Variants in PLD5 observed in about 807,000 individuals in gnomAD.
The protein encoded by PLD5 is inactive phospholipase D5.
Under a neutral mutation model 61.1 loss-of-function variants are expected in PLD5, and 36 were observed. The observed-to-expected ratio is 0.59, with a 90% CI of 0.45 to 0.78. The LOEUF (loss-of-function observed/expected upper bound fraction) is 0.78. Ranked by LOEUF, PLD5 falls within the 30% of genes least tolerant of loss-of-function variation. PLD5 has a pLI of 0.00. For missense variants in PLD5, 515 were observed against 644.4 expected, an observed-to-expected ratio of 0.80 and a Z score of 2.17; for synonymous variants, 243 against 242.8, an observed-to-expected ratio of 1.00 and a Z score of -0.01.
intron 7 of PLD5, among the ~76,000 whole-genome samples, chr1:242,108,200 C>G (rs1217029652): frequency 6.6e-6 from 1 of 152,106 alleles, no homozygotes; most frequent in Non-Finnish European, 1.5e-5. Context: ...CAGTTAGGAA[C>G]CCTGAGCACC....
intron 2 of PLD5, among the ~76,000 whole-genome samples, chr1:242,320,114 C>CA (rs1473317115): frequency 3.3e-5 from 5 of 152,226 alleles, no homozygotes; most frequent in South Asian, 2.1e-4. Context: ...TTGTGACTTG[C>CA]CACGGTCATC....
intron 9 of PLD5, among the ~76,000 whole-genome samples, chr1:242,095,829 G>A (rs1290904668): frequency 6.6e-6 from 1 of 152,080 alleles, no homozygotes; most frequent in Admixed American, 6.6e-5. Context: ...AATGATTTTG[G>A]GGTTGTTTTT....
intron 5 of PLD5, among the ~76,000 whole-genome samples, chr1:242,163,300 C>T (rs994663098): frequency 6.6e-5 from 10 of 152,022 alleles, no homozygotes; most frequent in South Asian, 4.2e-4. Context: ...CCCGCCACCA[C>T]GCCCGGCTAA....
intron 2 of PLD5, among the ~76,000 whole-genome samples, chr1:242,318,409 C>T (rs1178183554): frequency 6.6e-6 from 1 of 152,154 alleles, no homozygotes; most frequent in East Asian, 1.9e-4. Flanking sequence ...TGGGCACTAC[C>T]AGAACCTGGA....
At chr1:242,442,048 C>T (rs988700707) in intron 1 of PLD5, among the ~76,000 whole-genome samples, 6 of 152,160 alleles carry the variant, frequency 3.9e-5, no homozygotes, top group Admixed American at 6.5e-5. Flanking sequence ...TGCCACCTCT[C>T]GCTGACAACT....
At chr1:242,258,789 C>T (rs543512714) in intron 4 of PLD5, among the ~76,000 whole-genome samples, 3 of 152,264 alleles carry the variant, frequency 2.0e-5, no homozygotes, top group South Asian at 2.1e-4. Context: ...AGCTACATAG[C>T]ACCGTTGACA....
At chr1:242,377,581 C>A (rs1015818056) in intron 1 of PLD5, 8 of 483,660 alleles carry the variant, frequency 1.7e-5, no homozygotes, top group Admixed American at 3.7e-5. Flanking sequence ...TGACCCTGGT[C>A]CCAGTACAAC....
chr1:242,413,118 T>C (rs1244643146), intron 1 of PLD5, among the ~76,000 whole-genome samples: 1 of 152,188 alleles, frequency 6.6e-6, no homozygotes, highest in Non-Finnish European at 1.5e-5. Flanking sequence ...CTGCAGGAAG[T>C]TGTGATCTGT....
chr1:242,424,546 GA>G (rs11285496), intron 1 of PLD5, among the ~76,000 whole-genome samples: 11,587 of 141,582 alleles, frequency 0.082, 597 homozygotes, highest in African/African-American at 0.15. Context: ...CTCCCTCATA[GA>G]AAAAAAAAAA....
intron 1 of PLD5, among the ~76,000 whole-genome samples, chr1:242,487,198 A>G (rs1247928074): frequency 2.0e-5 from 3 of 152,084 alleles, no homozygotes; most frequent in African/African-American, 7.2e-5. Context: ...GTACCCTAAA[A>G]CTTAAAGTAT....
chr1:242,494,872 T>TC (rs1390987466), intron 1 of PLD5, among the ~76,000 whole-genome samples: 1 of 125,622 alleles, frequency 8.0e-6, no homozygotes, highest in Non-Finnish European at 1.7e-5. Context: ...AATTTTTTTT[T>TC]CTTTTCTGTT....
chr1:242,178,846 TTG>T (rs1667340314), intron 5 of PLD5, among the ~76,000 whole-genome samples: 1 of 152,202 alleles, frequency 6.6e-6, no homozygotes, highest in Non-Finnish European at 1.5e-5. Flanking sequence ...ATGGCTGGCT[TTG>T]TGTCTTTACA....
intron 1 of PLD5, among the ~76,000 whole-genome samples, chr1:242,413,087 C>T (rs530468230): frequency 1.3e-5 from 2 of 152,192 alleles, no homozygotes; most frequent in South Asian, 2.1e-4. Flanking sequence ...CACAAGTTCC[C>T]GAGGGCGCCT....
intron 1 of PLD5, among the ~76,000 whole-genome samples, chr1:242,383,407 C>G (rs1662416493): frequency 6.6e-6 from 1 of 151,778 alleles, no homozygotes; most frequent in Non-Finnish European, 1.5e-5. Context: ...TATCAAAACC[C>G]CTTTTCTCTT....
chr1:242,150,847 AT>A (rs1461525488), intron 5 of PLD5, among the ~76,000 whole-genome samples: 2 of 151,546 alleles, frequency 1.3e-5, no homozygotes, highest in Non-Finnish European at 3.0e-5. Context: ...ACTCTCTTCC[AT>A]TTTTCCTCAT....
intron 4 of PLD5, 38 bp downstream of exon 4, chr1:242,265,299 C>T: frequency 6.3e-7 from 1 of 1,582,548 alleles, no homozygotes; most frequent in Non-Finnish European, 8.5e-7. Flanking sequence ...CTTAACAGAA[C>T]ACCCAGCGGT....
intron 5 of PLD5, among the ~76,000 whole-genome samples, chr1:242,135,893 C>T (rs1308336653): frequency 6.6e-6 from 1 of 152,148 alleles, no homozygotes; most frequent in Non-Finnish European, 1.5e-5. Context: ...TGACTTACGC[C>T]TCCTGTGGCA....
At chr1:242,434,641 T>A (rs1275636184) in intron 1 of PLD5, among the ~76,000 whole-genome samples, 1 of 151,918 alleles carries the variant, frequency 6.6e-6, no homozygotes, top group Non-Finnish European at 1.5e-5. Flanking sequence ...TGAGATGGAG[T>A]CTCACTGTGT....
chr1:242,394,456 A>C (rs1201289308), intron 1 of PLD5, among the ~76,000 whole-genome samples: 1 of 102,076 alleles, frequency 9.8e-6, no homozygotes, highest in Non-Finnish European at 1.9e-5. Flanking sequence ...GTATATGAGT[A>C]TATATGTGAA....
Sources: allele counts gnomAD v4.1 joint callset (sites outside exome capture counted in the v4.1 genomes callset), GRCh38; gene constraint gnomAD v4.1.1; transcripts MANE v1.5; gene names NCBI Gene and HGNC (gene_info 2026-07-23, HGNC 2026-07-21).